The following SHISA6 variants were observed in gnomAD, a reference collection of about 807,000 sequenced individuals.
SHISA6 encodes protein shisa-6.
SHISA6 carries 22 observed loss-of-function variants against 47.9 expected under a neutral mutation model. The observed-to-expected ratio is 0.46, with a 90% CI of 0.33 to 0.66. SHISA6 has a LOEUF of 0.66. Among genes scored for constraint, SHISA6 ranks in the 30% least tolerant of loss-of-function variants. The probability of loss-of-function intolerance (pLI) is 0.02; values close to 1 mark genes in which losing one functional copy is unlikely to be tolerated. For synonymous variants in SHISA6, 388 were observed against 337.8 expected (o/e 1.15, Z -1.63); for missense variants, 680 against 764.6 (o/e 0.89, Z 1.30).
intron 2 of SHISA6, among the ~76,000 whole-genome samples, chr17:11,370,366 C>T (rs556082911): frequency 1.3e-5 from 2 of 152,304 alleles, no homozygotes; most frequent in Admixed American, 6.5e-5. Flanking sequence ...CCTTGACCCT[C>T]CCCTTCTTTG....
intron 2 of SHISA6, among the ~76,000 whole-genome samples, chr17:11,297,566 A>G (rs1025318660): frequency 2.5e-4 from 38 of 152,194 alleles, no homozygotes; most frequent in East Asian, 1.7e-3. Context: ...GCTGTGCCCC[A>G]GAGGTTACTC....
At chr17:11,449,567 G>A (rs34045878) in intron 3 of SHISA6, among the ~76,000 whole-genome samples, 3,611 of 152,298 alleles carry the variant, frequency 0.024, 134 homozygotes, top group African/African-American at 0.081. Flanking sequence ...AAAATCCCAG[G>A]TGAATGAAGA....
At chr17:11,242,313 G>A (rs186110496) in intron 1 of SHISA6, among the ~76,000 whole-genome samples, 82 of 152,360 alleles carry the variant, frequency 5.4e-4, no homozygotes, top group African/African-American at 1.9e-3. Flanking sequence ...AGTGCATGAA[G>A]TTCCAAGTGT....
At chr17:11,249,659 G>C (rs931924191) in intron 1 of SHISA6, among the ~76,000 whole-genome samples, 1 of 152,088 alleles carries the variant, frequency 6.6e-6, no homozygotes. Flanking sequence ...ATGTTTCCAC[G>C]GTCCCTCTCT....
intron 1 of SHISA6, among the ~76,000 whole-genome samples, chr17:11,254,567 GC>G (rs1907938428): frequency 6.6e-6 from 1 of 152,162 alleles, no homozygotes; most frequent in African/African-American, 2.4e-5. Context: ...GGCACCACCT[GC>G]CCCTCCTCTC....
chr17:11,339,178 AAAG>A (rs1911434175), intron 2 of SHISA6, among the ~76,000 whole-genome samples: 2 of 151,958 alleles, frequency 1.3e-5, no homozygotes, highest in African/African-American at 2.4e-5. Flanking sequence ...AAAAAAAAAA[AAAG>A]AAAACCACGA....
intron 2 of SHISA6, among the ~76,000 whole-genome samples, chr17:11,318,296 T>G (rs1403548750): frequency 1.3e-5 from 2 of 152,208 alleles, no homozygotes; most frequent in Non-Finnish European, 2.9e-5. Flanking sequence ...AGTCTTGCTT[T>G]TCGGAAACTG....
chr17:11,420,246 C>T (rs1914413658), intron 3 of SHISA6, among the ~76,000 whole-genome samples: 3 of 152,248 alleles, frequency 2.0e-5, no homozygotes, highest in South Asian at 2.1e-4. Flanking sequence ...TTCATCTGGG[C>T]TTAAGCCCTG....
intron 2 of SHISA6, among the ~76,000 whole-genome samples, chr17:11,305,910 G>A (rs1910093694): frequency 6.6e-6 from 1 of 152,128 alleles, no homozygotes; most frequent in Non-Finnish European, 1.5e-5. Context: ...AAAGGGAGAA[G>A]GCATTATTTG....
intron 2 of SHISA6, among the ~76,000 whole-genome samples, chr17:11,319,362 A>T (rs980575458): frequency 1.2e-4 from 18 of 152,166 alleles, no homozygotes; most frequent in African/African-American, 4.3e-4. Flanking sequence ...TATGGGTGTG[A>T]GCCCCACAGC....
At chr17:11,276,265 G>A (rs974721068) in intron 2 of SHISA6, among the ~76,000 whole-genome samples, 5 of 152,010 alleles carry the variant, frequency 3.3e-5, no homozygotes, top group Non-Finnish European at 5.9e-5. Context: ...GGTGTGAGCC[G>A]TTGCACCTGG....
intron 2 of SHISA6, among the ~76,000 whole-genome samples, chr17:11,316,552 T>G (rs1567570440): frequency 6.6e-6 from 1 of 150,912 alleles, no homozygotes; most frequent in East Asian, 2.0e-4. Flanking sequence ...TCCCAAGTAA[T>G]GGGGATTACA....
intron 2 of SHISA6, among the ~76,000 whole-genome samples, chr17:11,335,119 CAG>C (rs554472421): frequency 6.6e-6 from 1 of 152,324 alleles, no homozygotes; most frequent in African/African-American, 2.4e-5. Flanking sequence ...TTTTATAACT[CAG>C]GGATACAGAG....
chr17:11,439,886 T>C (rs1915052159), intron 3 of SHISA6, among the ~76,000 whole-genome samples: 1 of 152,128 alleles, frequency 6.6e-6, no homozygotes, highest in South Asian at 2.1e-4. Context: ...TTTTGTCCCT[T>C]TATTAAGAAG....
chr17:11,527,722 G>A (rs926016567), intron 3 of SHISA6, among the ~76,000 whole-genome samples: 2 of 152,026 alleles, frequency 1.3e-5, no homozygotes, highest in Non-Finnish European at 2.9e-5. Flanking sequence ...TATCATCTAC[G>A]ATTCTAGAAT....
chr17:11,519,257 C>T (rs1182827259), intron 3 of SHISA6, among the ~76,000 whole-genome samples: 8 of 152,190 alleles, frequency 5.3e-5, no homozygotes, highest in Admixed American at 5.2e-4. Context: ...CGTCAGCAGA[C>T]AAATGGACAA....
At chr17:11,272,493 A>C (rs980081773) in intron 2 of SHISA6, among the ~76,000 whole-genome samples, 1 of 152,132 alleles carries the variant, frequency 6.6e-6, no homozygotes, top group East Asian at 1.9e-4. Context: ...CTCTGCCTTC[A>C]CTAGCTGGAA....
In SHISA6 at chr17:11,551,880, T is replaced by C; in HGVS notation, c.896-16T>C. 2 of 1,551,302 alleles carry C rather than the reference T, an allele frequency of 1.3e-6. No individual in the cohort carries two copies. The highest frequency in any genetic ancestry group is 3.9e-5 in the Admixed American group (2 of 51,004). Reference sequence around the variant, plus strand: ...CCTGAACTCTTCTTTAAAAATTTCTTTTCTATGATTTTCAGGTGATCATCA... The same window carrying C: ...CCTGAACTCTTCTTTAAAAATTTCTCTTCTATGATTTTCAGGTGATCATCA... On this transcript the variant is annotated splice_polypyrimidine_tract_variant and intron_variant, in intron 3 of 5. Transcript: ENST00000441885.
At chr17:11,258,610 G>T (rs1908103518) in intron 1 of SHISA6, among the ~76,000 whole-genome samples, 1 of 152,210 alleles carries the variant, frequency 6.6e-6, no homozygotes, top group Admixed American at 6.5e-5. Flanking sequence ...GGTAGATCCT[G>T]CCAGACTACT....
Sources: allele counts gnomAD v4.1 joint callset (sites outside exome capture counted in the v4.1 genomes callset), GRCh38; gene constraint gnomAD v4.1.1; transcripts MANE v1.5; gene names NCBI Gene and HGNC (gene_info 2026-07-23, HGNC 2026-07-21).